Variants in FAM167A observed in about 807,000 individuals in gnomAD.
The protein encoded by FAM167A is family with sequence similarity 167 member A.
FAM167A carries 23 observed loss-of-function variants against 14.9 expected under a neutral mutation model. That is an observed-to-expected ratio of 1.55 (90% CI 1.11 to 2.19). FAM167A has a LOEUF of 2.19. Among genes scored for constraint, FAM167A ranks in the 30% most tolerant of loss-of-function variants. The probability of loss-of-function intolerance (pLI) is 0.00; values close to 1 mark genes in which losing one functional copy is unlikely to be tolerated. For missense variants in FAM167A, 401 were observed against 281.5 expected (o/e 1.42, Z -3.04); for synonymous variants, 174 against 117.7 (o/e 1.48, Z -3.10).
intron 1 of FAM167A, chr8:11,445,564 G>A (rs1329482272): frequency 3.0e-6 from 3 of 985,408 alleles, no homozygotes; most frequent in Non-Finnish European, 3.6e-6. Flanking sequence ...TGCCCGCATG[G>A]CAGCACCTGT....
intron 1 of FAM167A, among the ~76,000 whole-genome samples, chr8:11,458,976 T>C (rs1319495064): frequency 6.6e-6 from 1 of 152,174 alleles, no homozygotes; most frequent in Admixed American, 6.5e-5. Flanking sequence ...CCCCAGTTCT[T>C]CCCCCTGCTG....
chr8:11,443,889 T>C (rs1806596482), intron 2 of FAM167A, 142 bp downstream of exon 2: 7 of 1,097,884 alleles, frequency 6.4e-6, no homozygotes, highest in Non-Finnish European at 6.5e-6. Flanking sequence ...CACGGGAAGA[T>C]TACAGATGTG....
chr8:11,475,587 CAA>C (rs1430645796), intron 1 of FAM167A, among the ~76,000 whole-genome samples: 3 of 152,098 alleles, frequency 2.0e-5, no homozygotes, highest in African/African-American at 7.2e-5. Context: ...GAACCTCCTG[CAA>C]AAGTCTTCTT....
intron 1 of FAM167A, among the ~76,000 whole-genome samples, chr8:11,449,775 T>C (rs1245943243): frequency 1.3e-5 from 2 of 152,206 alleles, no homozygotes; most frequent in Non-Finnish European, 2.9e-5. Context: ...ACAAGCTCCC[T>C]GGCTCCCAGG....
At chr8:11,430,203 G>T (rs1433537078) in intron 2 of FAM167A, among the ~76,000 whole-genome samples, 1 of 152,230 alleles carries the variant, frequency 6.6e-6, no homozygotes, top group Admixed American at 6.5e-5. Context: ...CAGAGGTGCA[G>T]CCTGTAATCC....
At chr8:11,440,004 C>G (rs1413616869) in intron 2 of FAM167A, among the ~76,000 whole-genome samples, 1 of 152,156 alleles carries the variant, frequency 6.6e-6, no homozygotes, top group Non-Finnish European at 1.5e-5. Flanking sequence ...CATGCTCTTC[C>G]TAGCTCCCCT....
intron 1 of FAM167A, among the ~76,000 whole-genome samples, chr8:11,449,279 C>T (rs757418298): frequency 6.6e-6 from 1 of 152,234 alleles, no homozygotes; most frequent in Non-Finnish European, 1.5e-5. Flanking sequence ...CCCACACAGG[C>T]GCAGGGACGT....
At position 11,456,656 on chromosome 8, in the gene FAM167A, G is replaced by A. The variant is rs911541076; in HGVS notation, c.-398+9970C>T. On this transcript the variant is annotated intron_variant, in intron 1 of 2. Coordinates refer to ENST00000284486, the MANE Select transcript of FAM167A (RefSeq NM_053279.3). ...GTGAGGTGGTTGCTCTATTGGGTGT[G>A]TGCTCTGGGTATGGCTAGGGCTGAG... Among the ~76,000 whole-genome samples, 4 of 151,586 alleles carry A rather than the reference G, an allele frequency of 2.6e-5. No individual in the cohort carries two copies. The South Asian group carries it at 6.2e-4, about 24-fold the overall frequency.
chr8:11,469,564 G>C (rs1342418344), upstream of FAM167A, among the ~76,000 whole-genome samples: 1 of 152,150 alleles, frequency 6.6e-6, no homozygotes, highest in Non-Finnish European at 1.5e-5. Context: ...CTGTGAAATA[G>C]ATGAGTCAAG....
intron 1 of FAM167A, among the ~76,000 whole-genome samples, chr8:11,474,367 T>C (rs1305158156): frequency 1.3e-5 from 2 of 152,210 alleles, no homozygotes; most frequent in Non-Finnish European, 2.9e-5. Flanking sequence ...GTTTGGAACC[T>C]GACACCAGCA....
At chr8:11,428,410 G>A (rs944377201) in intron 2 of FAM167A, among the ~76,000 whole-genome samples, 2 of 152,254 alleles carry the variant, frequency 1.3e-5, no homozygotes, top group Admixed American at 1.3e-4. Flanking sequence ...CCGCCTGGAT[G>A]GCGTTGCCTC....
chr8:11,462,021 G>C (rs1807559735), intron 1 of FAM167A, among the ~76,000 whole-genome samples: 1 of 152,238 alleles, frequency 6.6e-6, no homozygotes, highest in African/African-American at 2.4e-5. Context: ...AGTGCAGCCT[G>C]TAAGTGGCTG....
At chr8:11,443,206 C>T (rs1806541245) in intron 2 of FAM167A, among the ~76,000 whole-genome samples, 1 of 152,190 alleles carries the variant, frequency 6.6e-6, no homozygotes, top group African/African-American at 2.4e-5. Flanking sequence ...TCGTGCCAGA[C>T]ACGGGTGATT....
chr8:11,447,460 C>T (rs980712058), intron 1 of FAM167A, among the ~76,000 whole-genome samples: 2 of 152,228 alleles, frequency 1.3e-5, no homozygotes, highest in East Asian at 3.8e-4. Context: ...TCTGGTGGCA[C>T]GGGCATTAGC....
intron 1 of FAM167A, among the ~76,000 whole-genome samples, chr8:11,451,349 G>T (rs1807020120): frequency 6.6e-6 from 1 of 152,222 alleles, no homozygotes. Context: ...GCCCTGCCCA[G>T]GTTACACAGC....
chr8:11,456,070 AGT>A (rs1807267055), intron 1 of FAM167A, among the ~76,000 whole-genome samples: 1 of 66,826 alleles, frequency 1.5e-5, no homozygotes, highest in African/African-American at 5.9e-5. Flanking sequence ...GCTGTGTGTG[AGT>A]GTGAGTGTGG....
chr8:11,450,801 G>T (rs963037012), intron 1 of FAM167A, among the ~76,000 whole-genome samples: 7 of 152,336 alleles, frequency 4.6e-5, no homozygotes, highest in African/African-American at 1.7e-4. Context: ...AGACACCCAG[G>T]CTTCCTGGGA....
upstream of FAM167A, among the ~76,000 whole-genome samples, chr8:11,471,880 C>T (rs1025553263): frequency 5.3e-5 from 8 of 152,168 alleles, no homozygotes; most frequent in Admixed American, 5.2e-4. Flanking sequence ...GGCTGAGCTG[C>T]TCCCCTGTCC....
intron 1 of FAM167A, among the ~76,000 whole-genome samples, chr8:11,447,273 T>C (rs1209450986): frequency 6.6e-6 from 1 of 150,920 alleles, no homozygotes; most frequent in African/African-American, 2.4e-5. Context: ...CCTCCACCTC[T>C]TGGGTTCAAG....
Sources: allele counts gnomAD v4.1 joint callset (sites outside exome capture counted in the v4.1 genomes callset), GRCh38; gene constraint gnomAD v4.1.1; transcripts MANE v1.5; gene names NCBI Gene and HGNC (gene_info 2026-07-23, HGNC 2026-07-21).